CNTNAP5: variants seen among roughly 807,000 people sequenced by gnomAD.
The protein encoded by CNTNAP5 is contactin-associated protein-like 5.
In CNTNAP5, 72 loss-of-function variants were observed where a neutral mutation model predicts 150.2. The observed-to-expected ratio is 0.48, with a 90% CI of 0.40 to 0.58. The LOEUF (loss-of-function observed/expected upper bound fraction) is 0.58, where lower values mean the gene tolerates loss of function less well. Ranked by LOEUF, CNTNAP5 falls within the 20% of genes least tolerant of loss-of-function variation. The pLI is 0.00. For synonymous variants in CNTNAP5, 672 were observed against 619.8 expected (o/e 1.08, Z -1.25); for missense variants, 1,636 against 1,626.2 (o/e 1.01, Z -0.10).
chr2:124,206,778 A>G (rs1231138828), intron 1 of CNTNAP5, among the ~76,000 whole-genome samples: 1 of 152,174 alleles, frequency 6.6e-6, no homozygotes, highest in African/African-American at 2.4e-5. Flanking sequence ...AGTACCCTAG[A>G]AAATCAAAAG....
chr2:124,400,526 C>G (rs1483585576), intron 3 of CNTNAP5, among the ~76,000 whole-genome samples: 1 of 152,140 alleles, frequency 6.6e-6, no homozygotes, highest in Non-Finnish European at 1.5e-5. Flanking sequence ...GGGCCTGGCC[C>G]TTGCTGCAAT....
chr2:124,397,352 T>C (rs1378024590), intron 3 of CNTNAP5, among the ~76,000 whole-genome samples: 1 of 152,154 alleles, frequency 6.6e-6, no homozygotes, highest in Non-Finnish European at 1.5e-5. Context: ...AGAGCACTTT[T>C]CCTGGTGCGC....
chr2:124,391,053 C>A (rs1166930737), intron 3 of CNTNAP5, among the ~76,000 whole-genome samples: 3 of 152,176 alleles, frequency 2.0e-5, no homozygotes, highest in African/African-American at 7.2e-5. Context: ...TTTAAATCTG[C>A]TTCTGCATAT....
At position 124,353,791 on chromosome 2, in the gene CNTNAP5, G is replaced by A. The variant is rs138351419; in HGVS notation, c.382-63652G>A. ...GTGTAGACAGTACTGGAGACAAGAA[G>A]GTGCATAACAAGGTTTCTGGGTATT... On this transcript the variant is annotated intron_variant, in intron 3 of 23. Coordinates refer to ENST00000682447, the MANE Select transcript of CNTNAP5 (RefSeq NM_001367498.1). 4.2e-3 allele frequency among the ~76,000 whole-genome samples: 634 copies of A among 152,282 alleles called. 3 individuals carry two copies. Among genetic ancestry groups the A allele is most frequent in the African/African-American group, 0.015 (603 of 41,554 alleles).
At chr2:124,223,659 G>A (rs1435082583) in intron 2 of CNTNAP5, among the ~76,000 whole-genome samples, 2 of 151,890 alleles carry the variant, frequency 1.3e-5, no homozygotes, top group African/African-American at 2.4e-5. Flanking sequence ...TCTGGGGGAA[G>A]CTGTGGGTCT....
rs142935943 is a variant in CNTNAP5, at chr2:124,606,992, A to G, written c.1757-2809A>G. ...CTACTACTATTAATAATATAGGCTC[A>G]TATTAATCAAGCACTTTCTATGTGC... On this transcript the variant is annotated intron_variant, in intron 11 of 23. Coordinates refer to ENST00000682447, the MANE Select transcript of CNTNAP5 (RefSeq NM_001367498.1). 5.0e-3 allele frequency among the ~76,000 whole-genome samples: 766 copies of G among 152,324 alleles called. 5 individuals are homozygous for G. The highest frequency in any genetic ancestry group is 0.018 in the African/African-American group (731 of 41,568).
chr2:124,906,487 A>G (rs1400983798), intron 22 of CNTNAP5, among the ~76,000 whole-genome samples: 2 of 152,124 alleles, frequency 1.3e-5, no homozygotes, highest in African/African-American at 4.8e-5. Context: ...ATTTTCTATT[A>G]CAGGCACAAT....
intron 14 of CNTNAP5, among the ~76,000 whole-genome samples, chr2:124,754,371 C>T (rs1680792932): frequency 6.6e-6 from 1 of 152,130 alleles, no homozygotes; most frequent in African/African-American, 2.4e-5. Context: ...GTTCTCTAGG[C>T]AGACAGGAAT....
intron 19 of CNTNAP5, among the ~76,000 whole-genome samples, chr2:124,864,469 T>G (rs1677587767): frequency 6.7e-6 from 1 of 149,272 alleles, no homozygotes; most frequent in East Asian, 1.9e-4. Flanking sequence ...CCATCTAGCT[T>G]AATCTTATTT....
At chr2:124,622,851 G>T (rs1278366868) in intron 12 of CNTNAP5, among the ~76,000 whole-genome samples, 1 of 152,086 alleles carries the variant, frequency 6.6e-6, no homozygotes, top group East Asian at 1.9e-4. Context: ...CATTGCAAAA[G>T]TATTGTTACC....
chr2:124,576,218 A>G (rs17011737), intron 11 of CNTNAP5, among the ~76,000 whole-genome samples: 4,016 of 152,194 alleles, frequency 0.026, 121 homozygotes, highest in African/African-American at 0.074. Flanking sequence ...TTCCATTGTC[A>G]TAGCGGGACA....
intron 12 of CNTNAP5, among the ~76,000 whole-genome samples, chr2:124,637,107 T>C (rs1441529966): frequency 6.6e-6 from 1 of 152,188 alleles, no homozygotes; most frequent in African/African-American, 2.4e-5. Context: ...ATCCAATATA[T>C]AGTCCATGCA....
At chr2:124,889,679 T>C (rs1678154035) in intron 21 of CNTNAP5, among the ~76,000 whole-genome samples, 2 of 152,136 alleles carry the variant, frequency 1.3e-5, no homozygotes, top group Non-Finnish European at 2.9e-5. Context: ...TAAACTAAAA[T>C]GCAAACACAC....
At chr2:124,091,754 T>G (rs1357566219) in intron 1 of CNTNAP5, among the ~76,000 whole-genome samples, 3 of 152,118 alleles carry the variant, frequency 2.0e-5, no homozygotes, top group Non-Finnish European at 4.4e-5. Context: ...CTGAAATAGG[T>G]CAGAGGTCCT....
At chr2:124,588,150 CCT>C (rs1491252168) in intron 11 of CNTNAP5, among the ~76,000 whole-genome samples, 2 of 133,716 alleles carry the variant, frequency 1.5e-5, no homozygotes, top group Non-Finnish European at 3.2e-5. Flanking sequence ...TTCCTTCCTT[CCT>C]TCCTTTTCCT....
At chr2:124,221,535 G>C (rs1686315485) in intron 1 of CNTNAP5, among the ~76,000 whole-genome samples, 170 bp from the exon 2 acceptor site, 2 of 152,076 alleles carry the variant, frequency 1.3e-5, no homozygotes, top group African/African-American at 2.4e-5. Context: ...TGTCCTTCAG[G>C]GGTGCTGTGA....
At chr2:124,695,002 G>A (rs928242367) in intron 13 of CNTNAP5, among the ~76,000 whole-genome samples, 3 of 96,828 alleles carry the variant, frequency 3.1e-5, no homozygotes, top group African/African-American at 8.6e-5. Context: ...AATTGTGTGT[G>A]TGTGTGTGTG....
intron 20 of CNTNAP5, among the ~76,000 whole-genome samples, chr2:124,868,661 T>G (rs1275022074): frequency 6.6e-6 from 1 of 152,106 alleles, no homozygotes; most frequent in Non-Finnish European, 1.5e-5. Flanking sequence ...CCTGTCTCCC[T>G]CCTCTAGAAT....
intron 11 of CNTNAP5, among the ~76,000 whole-genome samples, chr2:124,567,858 T>TAGATAGATAG (rs1553480430): frequency 4.4e-4 from 59 of 132,918 alleles, no homozygotes; most frequent in East Asian, 2.7e-3. Context: ...GATAGATAGA[T>TAGATAGATAG]AGATAGATAG....
Sources: gnomAD v4.1 joint callset for allele counts (sites outside exome capture counted in the v4.1 genomes callset) on GRCh38, gnomAD v4.1.1 for gene constraint, MANE v1.5 for transcripts, NCBI Gene and HGNC (gene_info 2026-07-23, HGNC 2026-07-21) for gene names.